The following MLLT1 variants were observed in gnomAD, a reference collection of about 807,000 sequenced individuals.
MLLT1 encodes protein ENL.
In MLLT1, 11 loss-of-function variants were observed where a neutral mutation model predicts 55.1. The observed-to-expected ratio is 0.20, with a 90% confidence interval of 0.13 to 0.33. The LOEUF (loss-of-function observed/expected upper bound fraction) is 0.33. MLLT1 is among the 10% of genes least tolerant of loss of function. MLLT1 has a pLI of 1.00. For missense variants in MLLT1, 536 were observed against 760.6 expected, an observed-to-expected ratio of 0.70 and a Z score of 3.47; for synonymous variants, 323 against 320.1, an observed-to-expected ratio of 1.01 and a Z score of -0.10.
At chr19:6,218,214 G>A (rs1038904282) in intron 6 of MLLT1, among the ~76,000 whole-genome samples, 173 bp from the exon 7 acceptor site, 1 of 152,196 alleles carries the variant, frequency 6.6e-6, no homozygotes, top group Non-Finnish European at 1.5e-5. Context: ...GGAGCCAGCG[G>A]CCAGGCCATG....
intron 8 of MLLT1, among the ~76,000 whole-genome samples, chr19:6,215,133 G>A (rs2090826860): frequency 6.6e-6 from 1 of 152,218 alleles, no homozygotes; most frequent in Non-Finnish European, 1.5e-5. Flanking sequence ...GTGTGCAGAA[G>A]CTCCGACGGT....
intron 3 of MLLT1, among the ~76,000 whole-genome samples, chr19:6,234,799 G>A (rs1038482067): frequency 2.0e-5 from 3 of 152,092 alleles, no homozygotes; most frequent in African/African-American, 7.2e-5. Context: ...AAAAAAGAGT[G>A]CTTGAATGAA....
At chr19:6,213,679 A>G in intron 10 of MLLT1, 47 bp downstream of exon 10, 1 of 412,226 alleles carries the variant, frequency 2.4e-6, no homozygotes, top group African/African-American at 4.3e-5. Context: ...AACTCCCACC[A>G]CCCACCCCTC....
At chr19:6,263,895 C>G (rs1329567788) in intron 2 of MLLT1, among the ~76,000 whole-genome samples, 1 of 124,332 alleles carries the variant, frequency 8.0e-6, no homozygotes, top group Non-Finnish European at 1.6e-5. Flanking sequence ...GAGCGGAGGG[C>G]AGGAGTGAGG....
In MLLT1 at chr19:6,222,420, C is replaced by A; in HGVS notation, c.811G>T (p.Gly271Trp). 1 of 1,487,472 alleles carries A rather than the reference C, an allele frequency of 6.7e-7. No homozygotes were observed. Among genetic ancestry groups the A allele is most frequent in the Non-Finnish European group, 8.9e-7 (1 of 1,120,046 alleles). The allele number at this position is 1,487,472 out of a possible 1,614,324, so 92.1% of individuals were successfully genotyped here. Residue 271 changes from glycine to tryptophan, a missense_variant, in exon 6 of 12, where the codon GGG (glycine) becomes TGG (tryptophan). Gly to Trp is a radical substitution (Grantham distance 184). This residue lies in a region of MLLT1 where 449 missense variants were observed against 489.0 expected (regional missense o/e 0.92). Transcript: ENST00000252674. The surrounding 1 kb of genome is among the most constrained non-coding windows in gnomAD (Gnocchi z 4.1). ...TKLESTSPKG[G>W]PPPPPPPPPR... The stretch of plus-strand genomic sequence containing the variant: ...GGGGGTGGGGGTGGGGGTGGGGGCC[C>A]ACCCTTGGGGGACGTGCTTTCCAGC...
chr19:6,213,624 C>T lies in MLLT1; in HGVS notation c.1479+102G>A, dbSNP rs560598880. ...GTCCCTGCTCCTGCCCAGGAAGAGT[C>T]CAACTGTGGGGTGTTGGGGGGCTCT... On this transcript the variant is annotated intron_variant, in intron 10 of 11. Coordinates refer to ENST00000252674, the MANE Select transcript of MLLT1 (RefSeq NM_005934.4). 1.6e-5 allele frequency: 19 copies of T among 1,219,920 alleles called. No individual in the cohort carries two copies. The Middle Eastern group carries it at 7.7e-4, about 49-fold the overall frequency. 75.6% of individuals were successfully genotyped at this position (1,219,920 alleles called of 1,614,324 possible). A position where few individuals can be genotyped will look rare whatever the true frequency, so the allele number is the denominator to read the frequency against.
At chr19:6,220,316 G>C (rs1022992316) in intron 6 of MLLT1, among the ~76,000 whole-genome samples, 2 of 152,234 alleles carry the variant, frequency 1.3e-5, no homozygotes, top group Non-Finnish European at 2.9e-5. Context: ...CGGGGGAAGA[G>C]GCGTCAGGGA....
rs2091412196 is a variant in MLLT1 at position 6,273,748 on chromosome 19, CCT to C, written c.13-2991_13-2990del. 6.6e-6 allele frequency among the ~76,000 whole-genome samples: 1 copy of C among 152,312 alleles called. No individual in the cohort carries two copies. Among genetic ancestry groups the C allele is most frequent in the South Asian group, 2.1e-4 (1 of 4,824 alleles). ...AGCACCAGGATGCGGGAGAACGACC[CCT>C]GCTTCTGTGGAGCTGACTCCCACAC... is the stretch of plus-strand genomic sequence containing the variant. On this transcript the variant is annotated intron_variant, in intron 1 of 11. Transcript: ENST00000252674. This position sits in a 1 kb window ranked among gnomAD's most constrained non-coding sequence, Gnocchi z 4.3.
At chr19:6,260,879 A>C (rs1568294395) in intron 3 of MLLT1, among the ~76,000 whole-genome samples, 1 of 152,226 alleles carries the variant, frequency 6.6e-6, no homozygotes, top group Non-Finnish European at 1.5e-5. Context: ...TGCTGGCCCA[A>C]ACTGCTTCTG....
chr19:6,268,434 G>C (rs2091367001), intron 2 of MLLT1, among the ~76,000 whole-genome samples: 1 of 152,236 alleles, frequency 6.6e-6, no homozygotes, highest in Non-Finnish European at 1.5e-5. Flanking sequence ...AGTCCAGAGA[G>C]GGCTAGGAAG....
At chr19:6,266,276 C>CA (rs35972478) in intron 2 of MLLT1, among the ~76,000 whole-genome samples, 867 of 73,024 alleles carry the variant, frequency 0.012, 1 homozygote, top group East Asian at 0.016. Context: ...ATTCTGTCTC[C>CA]AAAAAAAAAA....
At position 6,235,649 on chromosome 19, in the gene MLLT1, C is replaced by T. The variant is rs2091053600; in HGVS notation, c.277-4936G>A. The stretch of plus-strand genomic sequence containing the variant: ...GGCTGCACAGCGAGTCCAGCCGCTT[C>T]TCCCAAGCTCCTCAGCCAGCCCCTC... On this transcript the variant is annotated intron_variant, in intron 3 of 11. Coordinates refer to ENST00000252674, the MANE Select transcript of MLLT1 (RefSeq NM_005934.4). The surrounding 1 kb of genome is among the most constrained non-coding windows in gnomAD (Gnocchi z 5.5). 6.6e-6 allele frequency among the ~76,000 whole-genome samples: 1 copy of T among 152,140 alleles called. No individual in the cohort carries two copies. Among genetic ancestry groups the T allele is most frequent in the South Asian group, 2.1e-4 (1 of 4,830 alleles).
chr19:6,222,572 C>G lies in MLLT1; in HGVS notation c.659G>C (p.Arg220Pro). 1.2e-6 allele frequency: 2 copies of G among 1,600,880 alleles called. No homozygotes were observed. The highest frequency in any genetic ancestry group is 1.7e-6 in the Non-Finnish European group (2 of 1,179,522). The change falls in exon 6 of 12, where the codon CGT becomes CCT. Residue 220 changes from arginine to proline, a missense_variant. Coordinates refer to ENST00000252674, the MANE Select transcript of MLLT1 (RefSeq NM_005934.4). This position sits in a 1 kb window ranked among gnomAD's most constrained non-coding sequence, Gnocchi z 4.1. ...GTCCTTGGAGCTTTTGGCCTGCTCA[C>G]GCTCCAGCTCCTTGGAGGAGCTCTT... ...ESKSSSKELE[R>P]EQAKSSKDTS...
At chr19:6,275,771 C>G (rs1271057208) in intron 1 of MLLT1, among the ~76,000 whole-genome samples, 1 of 152,240 alleles carries the variant, frequency 6.6e-6, no homozygotes, top group Admixed American at 6.5e-5. Flanking sequence ...TGGAAACTCT[C>G]TAAGAGTGGT....
chr19:6,254,960 C>CA lies in MLLT1; in HGVS notation c.276+7267dup, dbSNP rs776254518. Among the ~76,000 whole-genome samples the CA allele has an allele frequency of 3.3e-3, 332 of 100,880 alleles. 4 individuals carry two copies. The highest frequency in any genetic ancestry group is 8.2e-3 in the African/African-American group (210 of 25,572). The allele number at this position is 100,880 out of a possible 152,430, so 66.2% of individuals were successfully genotyped here. On this transcript the variant is annotated intron_variant, in intron 3 of 11. Transcript: ENST00000252674. ...CAGAAAATCCCAAAGAAGCCACACA[C>CA]AAAAAAAAAAATCAACAAAAGAAAA...
intron 2 of MLLT1, among the ~76,000 whole-genome samples, chr19:6,268,255 A>G (rs1178034289): frequency 1.3e-5 from 2 of 152,234 alleles, no homozygotes; most frequent in African/African-American, 4.8e-5. Flanking sequence ...AAAGTCACAA[A>G]GACAACCAAC....
intron 3 of MLLT1, among the ~76,000 whole-genome samples, chr19:6,251,172 C>T (rs756096547): frequency 1.3e-5 from 2 of 152,144 alleles, no homozygotes; most frequent in Non-Finnish European, 2.9e-5. Flanking sequence ...TAGAAGGAGA[C>T]GGCAGTAGTA....
intron 2 of MLLT1, among the ~76,000 whole-genome samples, chr19:6,268,452 C>CG (rs1185940907): frequency 2.0e-5 from 3 of 152,122 alleles, no homozygotes; most frequent in Middle Eastern, 3.2e-3. Flanking sequence ...AAGACAGCCC[C>CG]GGGGAGGGAG....
At chr19:6,276,495 C>T (rs1480520416) in intron 1 of MLLT1, among the ~76,000 whole-genome samples, 2 of 152,124 alleles carry the variant, frequency 1.3e-5, no homozygotes, top group African/African-American at 2.4e-5. Flanking sequence ...AGCAGCAATT[C>T]GAGCGTGGGG....
Sources: allele counts gnomAD v4.1 joint callset (sites outside exome capture counted in the v4.1 genomes callset), GRCh38; gene constraint gnomAD v4.1.1; regional missense constraint gnomAD v4.1.1; non-coding constraint Gnocchi (gnomAD v3.1); transcripts MANE v1.5; gene names NCBI Gene and HGNC (gene_info 2026-07-23, HGNC 2026-07-21).